Variants in ROBO2 observed in about 807,000 individuals in gnomAD.
ROBO2 encodes roundabout homolog 2.
ROBO2 carries 53 observed loss-of-function variants against 160.8 expected under a neutral mutation model. That is an observed-to-expected ratio of 0.33 (90% CI 0.26 to 0.41). The LOEUF (loss-of-function observed/expected upper bound fraction) is 0.41, where lower values mean the gene tolerates loss of function less well. ROBO2 is among the 10% of genes least tolerant of loss of function. The pLI is 1.00. For synonymous variants in ROBO2, 664 were observed against 611.7 expected, an observed-to-expected ratio of 1.09 and a Z score of -1.26; for missense variants, 1,577 against 1,722.4, an observed-to-expected ratio of 0.92 and a Z score of 1.49.
intron 2 of ROBO2, among the ~76,000 whole-genome samples, chr3:76,613,941 C>A (rs1435129007): frequency 6.6e-6 from 1 of 151,706 alleles, no homozygotes; most frequent in African/African-American, 2.4e-5. Flanking sequence ...TTTCCAGTAC[C>A]CTTATACATT....
intron 2 of ROBO2, among the ~76,000 whole-genome samples, chr3:76,564,107 G>A (rs2108516506): frequency 6.6e-6 from 1 of 152,346 alleles, no homozygotes; most frequent in East Asian, 1.9e-4. Context: ...TTGGAAGGCT[G>A]AGACACGAGA....
chr3:77,537,918 C>T (rs2092236020), intron 6 of ROBO2, among the ~76,000 whole-genome samples: 1 of 152,096 alleles, frequency 6.6e-6, no homozygotes, highest in South Asian at 2.1e-4. Context: ...CACCGGGTCC[C>T]TCCCAAGACC....
rs542990847 is a variant in ROBO2, at chr3:77,161,318, A to C, written c.388+62978A>C. On this transcript the variant is annotated intron_variant, in intron 2 of 25. Coordinates refer to ENST00000461745, the Ensembl canonical transcript of ROBO2. ...CATTTTATGCTTAATTTGCATATGA[A>C]GCAATATGGGACTATTCAAATATAG... 6.6e-5 allele frequency among the ~76,000 whole-genome samples: 10 copies of C among 152,328 alleles called. No individual in the cohort carries two copies. The East Asian group carries it at 1.9e-3, about 29-fold the overall frequency.
intron 1 of ROBO2, among the ~76,000 whole-genome samples, chr3:75,923,650 C>G (rs570280664): frequency 4.0e-4 from 61 of 152,194 alleles, no homozygotes; most frequent in Middle Eastern, 6.8e-3. Context: ...CAATACACAC[C>G]AAATGAAATC....
intron 1 of ROBO2, among the ~76,000 whole-genome samples, chr3:75,926,155 ATC>A (rs1166974441): frequency 6.6e-5 from 10 of 152,164 alleles, no homozygotes; most frequent in African/African-American, 2.2e-4. Flanking sequence ...TAAGCAAGGA[ATC>A]AAATTTCCTT....
chr3:77,135,765 C>G (rs1266023926), intron 2 of ROBO2, among the ~76,000 whole-genome samples: 1 of 152,126 alleles, frequency 6.6e-6, no homozygotes, highest in Non-Finnish European at 1.5e-5. Context: ...TTTCTTCTCA[C>G]TCACCTGAAG....
intron 2 of ROBO2, among the ~76,000 whole-genome samples, chr3:76,844,480 C>T (rs1025973720): frequency 6.6e-5 from 10 of 151,758 alleles, no homozygotes; most frequent in African/African-American, 1.2e-4. Context: ...AAGTGAAAAC[C>T]GTGAATAGTA....
intron 2 of ROBO2, among the ~76,000 whole-genome samples, chr3:77,382,484 C>A (rs967129161): frequency 1.3e-5 from 2 of 151,530 alleles, no homozygotes; most frequent in African/African-American, 4.9e-5. Context: ...TGTGTAGCGG[C>A]GAATCCTGAG....
chr3:77,047,324 A>G (rs1056490927), intron 1 of ROBO2, among the ~76,000 whole-genome samples: 19 of 152,214 alleles, frequency 1.2e-4, no homozygotes, highest in Admixed American at 6.5e-5. Flanking sequence ...CCTTACCTGT[A>G]AAATGGGCAT....
chr3:77,108,749 C>G (rs2073188516), intron 2 of ROBO2, among the ~76,000 whole-genome samples: 1 of 152,054 alleles, frequency 6.6e-6, no homozygotes, highest in Non-Finnish European at 1.5e-5. Flanking sequence ...AAAAGCAAAA[C>G]CCTGAGGTTG....
intron 2 of ROBO2, among the ~76,000 whole-genome samples, chr3:76,928,190 T>C (rs985476924): frequency 9.2e-5 from 14 of 152,058 alleles, no homozygotes; most frequent in Admixed American, 6.6e-4. Flanking sequence ...TAGGTAACAT[T>C]GTTGGCTTTG....
At chr3:76,511,884 T>A (rs2081109396) in intron 2 of ROBO2, among the ~76,000 whole-genome samples, 1 of 152,164 alleles carries the variant, frequency 6.6e-6, no homozygotes, top group Non-Finnish European at 1.5e-5. Context: ...ACATTGGTAA[T>A]GAGGATCCAG....
At chr3:77,305,929 CT>C (rs1283776851) in intron 2 of ROBO2, among the ~76,000 whole-genome samples, 1 of 152,024 alleles carries the variant, frequency 6.6e-6, no homozygotes, top group Non-Finnish European at 1.5e-5. Context: ...CTTTTGAAGA[CT>C]TTCTGTAATA....
In ROBO2 at chr3:75,978,867, C is replaced by T. The variant is rs1003853612; in HGVS notation, c.109+41265C>T. 2.0e-5 allele frequency among the ~76,000 whole-genome samples: 3 copies of T among 151,440 alleles called. No homozygotes were observed. In the Admixed American group the frequency reaches 2.0e-4, roughly 10 times the overall value. On this transcript the variant is annotated intron_variant, in intron 2 of 26. Coordinates refer to the ROBO2 transcript ENST00000487694. ...GTTATTGAGTATCACTGGAATGGAG[C>T]GAAGTACATGTAGGATGGGGCATGA...
At chr3:76,378,009 T>C (rs149894302) in intron 2 of ROBO2, among the ~76,000 whole-genome samples, 15 of 152,294 alleles carry the variant, frequency 9.8e-5, no homozygotes, top group African/African-American at 3.6e-4. Flanking sequence ...ACTCCATTTC[T>C]GTCAGTGCCT....
chr3:77,111,998 G>A (rs934858799), intron 2 of ROBO2, among the ~76,000 whole-genome samples: 2 of 151,898 alleles, frequency 1.3e-5, no homozygotes, highest in Non-Finnish European at 2.9e-5. Context: ...GGTCGCTTGA[G>A]CCCAGGCGTT....
At chr3:77,382,194 A>G (rs981397107) in intron 2 of ROBO2, among the ~76,000 whole-genome samples, 2 of 152,196 alleles carry the variant, frequency 1.3e-5, no homozygotes, top group Non-Finnish European at 2.9e-5. Flanking sequence ...CTGCACCGTA[A>G]GAGTGAACCG....
chr3:76,057,156 C>T (rs1445236739), intron 2 of ROBO2, among the ~76,000 whole-genome samples: 1 of 152,176 alleles, frequency 6.6e-6, no homozygotes, highest in Non-Finnish European at 1.5e-5. Context: ...CCTTCTAAGA[C>T]CTTTTATTTA....
At chr3:76,824,199 C>T (rs762659521) in intron 2 of ROBO2, among the ~76,000 whole-genome samples, 2 of 152,170 alleles carry the variant, frequency 1.3e-5, no homozygotes, top group Non-Finnish European at 2.9e-5. Flanking sequence ...TGGCATGTGT[C>T]CCTTCCATTT....
Sources: allele counts gnomAD v4.1 joint callset (sites outside exome capture counted in the v4.1 genomes callset), GRCh38; gene constraint gnomAD v4.1.1; transcripts MANE v1.5; gene names NCBI Gene and HGNC (gene_info 2026-07-23, HGNC 2026-07-21).